CNTN3: variants seen among roughly 807,000 people sequenced by gnomAD.
CNTN3 encodes the protein contactin-3.
In CNTN3, 60 loss-of-function variants were observed where a neutral mutation model predicts 119.1. That is an observed-to-expected ratio of 0.50 (90% CI 0.41 to 0.62). The LOEUF (loss-of-function observed/expected upper bound fraction) is 0.62. Among genes scored for constraint, CNTN3 ranks in the 20% least tolerant of loss-of-function variants. The probability of loss-of-function intolerance (pLI) is 0.00; values close to 1 mark genes in which losing one functional copy is unlikely to be tolerated. For missense variants in CNTN3, 1,101 were observed against 1,242.4 expected, an observed-to-expected ratio of 0.89 and a Z score of 1.71; for synonymous variants, 450 against 438.7, an observed-to-expected ratio of 1.03 and a Z score of -0.32.
rs573605124 is a variant in CNTN3, at chr3:74,598,366, A to C, written c.-81+16025T>G. On this transcript the variant is annotated intron_variant, in intron 1 of 22. Transcript: ENST00000263665. The stretch of plus-strand genomic sequence containing the variant: ...AAGACATCTTGGATTCTCCAGCCCA[A>C]GTCAAGCTATAGCAACCAACACCAT... Among the ~76,000 whole-genome samples, 27 of 152,250 alleles carry C rather than the reference A, an allele frequency of 1.8e-4. 1 individual carries two copies. In the South Asian group the frequency reaches 5.4e-3, roughly 30 times the overall value.
chr3:74,396,094 C>T (rs1705044737), intron 5 of CNTN3, among the ~76,000 whole-genome samples: 1 of 152,020 alleles, frequency 6.6e-6, no homozygotes. Flanking sequence ...TCTTGTTGGG[C>T]CTCCCTATTT....
intron 4 of CNTN3, among the ~76,000 whole-genome samples, chr3:74,453,413 C>A (rs1031899482): frequency 1.3e-5 from 2 of 151,790 alleles, no homozygotes; most frequent in African/African-American, 4.8e-5. Context: ...CTCTTTTTTT[C>A]TTTATTAGTC....
At chr3:74,501,067 C>T (rs1483791956) in intron 2 of CNTN3, among the ~76,000 whole-genome samples, 1 of 151,876 alleles carries the variant, frequency 6.6e-6, no homozygotes, top group Non-Finnish European at 1.5e-5. Context: ...CTGATCTTTG[C>T]CCTCAGCTTC....
chr3:74,557,227 G>T (rs1193038865), intron 1 of CNTN3, among the ~76,000 whole-genome samples: 1 of 152,100 alleles, frequency 6.6e-6, no homozygotes. Context: ...AGGTCCTGAA[G>T]ATTTATATTT....
In CNTN3 at chr3:74,327,105, CCTTTTTTTT is replaced by C. The variant is rs1211387471; in HGVS notation, c.1668+7621_1668+7629del. 1.9e-3 allele frequency among the ~76,000 whole-genome samples: 170 copies of C among 90,704 alleles called. 1 individual carries two copies. The highest frequency in any genetic ancestry group is 6.9e-3 in the African/African-American group (167 of 24,294). The allele number at this position is 90,704 out of a possible 152,430, so 59.5% of individuals were successfully genotyped here. On this transcript the variant is annotated intron_variant, in intron 13 of 22. Coordinates refer to ENST00000263665, the MANE Select transcript of CNTN3 (RefSeq NM_020872.3). ...CTAAAGTAGCTTATGAAGGGTTAAT[CCTTTTTTTT>C]TTTTTTTTTTTTTTTTTGTTTGTTT...
chr3:74,540,987 A>G (rs1211987933), intron 1 of CNTN3, among the ~76,000 whole-genome samples: 1 of 152,202 alleles, frequency 6.6e-6, no homozygotes, highest in African/African-American at 2.4e-5. Flanking sequence ...ACTGCATAAA[A>G]TATAGAAAAC....
chr3:74,345,366 C>T lies in CNTN3; in HGVS notation c.1365-8708G>A, dbSNP rs112836013. ...TGCTAGTTCAATGGACTCGTTTAAG[C>T]ATCTGACTCTTCATTTGCACTGCAG... On this transcript the variant is annotated intron_variant, in intron 11 of 22. Transcript: ENST00000263665. Among the ~76,000 whole-genome samples, 609 of 152,308 alleles carry T rather than the reference C, an allele frequency of 4.0e-3. 4 individuals are homozygous for T. Among genetic ancestry groups the T allele is most frequent in the African/African-American group, 0.014 (567 of 41,560 alleles).
intron 13 of CNTN3, among the ~76,000 whole-genome samples, chr3:74,329,986 A>T (rs917595811): frequency 2.6e-5 from 4 of 152,200 alleles, no homozygotes; most frequent in African/African-American, 9.6e-5. Context: ...GAATGGGATA[A>T]ATACAGTTAC....
At chr3:74,606,920 T>C (rs972478030) in intron 1 of CNTN3, among the ~76,000 whole-genome samples, 1 of 152,170 alleles carries the variant, frequency 6.6e-6, no homozygotes, top group African/African-American at 2.4e-5. Context: ...AATACATTAC[T>C]ACTAAATAGA....
At chr3:74,417,398 A>C (rs1249803039) in intron 5 of CNTN3, among the ~76,000 whole-genome samples, 6 of 152,204 alleles carry the variant, frequency 3.9e-5, no homozygotes, top group Admixed American at 3.9e-4. Context: ...CTCTTATTTA[A>C]TATCAATCTT....
chr3:74,474,292 G>A (rs1349260689), intron 4 of CNTN3, among the ~76,000 whole-genome samples: 3 of 152,110 alleles, frequency 2.0e-5, no homozygotes, highest in Admixed American at 6.5e-5. Flanking sequence ...CACAACAAAT[G>A]TGCCCTCTTA....
At chr3:74,594,284 T>TC (rs927053163) in intron 1 of CNTN3, among the ~76,000 whole-genome samples, 28 of 149,280 alleles carry the variant, frequency 1.9e-4, no homozygotes, top group African/African-American at 6.9e-4. Flanking sequence ...TTTTTTTTTT[T>TC]TTTTTTACTT....
chr3:74,327,287 C>T (rs1460723210), intron 13 of CNTN3, among the ~76,000 whole-genome samples: 1 of 151,718 alleles, frequency 6.6e-6, no homozygotes, highest in Non-Finnish European at 1.5e-5. Flanking sequence ...TGCCACCACG[C>T]CTGGCTAATT....
chr3:74,412,116 T>C (rs1701447756), intron 5 of CNTN3, among the ~76,000 whole-genome samples: 1 of 152,220 alleles, frequency 6.6e-6, no homozygotes, highest in African/African-American at 2.4e-5. Flanking sequence ...GTGTCCTCAC[T>C]GGAACTGAGC....
At chr3:74,400,029 A>G (rs1259570624) in intron 5 of CNTN3, among the ~76,000 whole-genome samples, 1 of 152,232 alleles carries the variant, frequency 6.6e-6, no homozygotes, top group Admixed American at 6.5e-5. Flanking sequence ...TGACCTAGTT[A>G]CACTGAAGGA....
intron 5 of CNTN3, among the ~76,000 whole-genome samples, chr3:74,411,066 C>T (rs1701430517): frequency 6.6e-6 from 1 of 152,058 alleles, no homozygotes; most frequent in African/African-American, 2.4e-5. Flanking sequence ...TACCTTGCTT[C>T]CTCCATCCAT....
chr3:74,293,675 A>G (rs1368778239), intron 19 of CNTN3, among the ~76,000 whole-genome samples: 3 of 152,014 alleles, frequency 2.0e-5, no homozygotes, highest in South Asian at 4.2e-4. Context: ...GGGTCTCACT[A>G]AGTTGCCCAG....
chr3:74,325,457 T>C (rs1485520281), intron 13 of CNTN3, among the ~76,000 whole-genome samples: 4 of 152,062 alleles, frequency 2.6e-5, no homozygotes, highest in African/African-American at 4.8e-5. Flanking sequence ...ATCTGAGAAA[T>C]GAGAGGTTGG....
chr3:74,485,450 T>C (rs954499952), intron 4 of CNTN3, among the ~76,000 whole-genome samples: 3 of 151,606 alleles, frequency 2.0e-5, no homozygotes, highest in Non-Finnish European at 4.4e-5. Context: ...AAGAACAAAA[T>C]AAATATGAAA....
Sources: gnomAD v4.1 joint callset for allele counts (sites outside exome capture counted in the v4.1 genomes callset) on GRCh38, gnomAD v4.1.1 for gene constraint, MANE v1.5 for transcripts, NCBI Gene and HGNC (gene_info 2026-07-23, HGNC 2026-07-21) for gene names.